ARHGEF18: variants seen among roughly 807,000 people sequenced by gnomAD.
ARHGEF18 encodes rho guanine nucleotide exchange factor 18.
In ARHGEF18, 93 loss-of-function variants were observed where a neutral mutation model predicts 155.7. The observed-to-expected ratio is 0.60, with a 90% CI of 0.50 to 0.71. The LOEUF (loss-of-function observed/expected upper bound fraction) is 0.71. ARHGEF18 is among the 30% of genes least tolerant of loss of function. The probability of loss-of-function intolerance (pLI) is 0.00; values close to 1 mark genes in which losing one functional copy is unlikely to be tolerated. For missense variants in ARHGEF18, 1,593 were observed against 1,816.1 expected (o/e 0.88, Z 2.23); for synonymous variants, 742 against 753.1 (o/e 0.99, Z 0.24).
chr19:7,466,244 G>T (rs552207653), intron 23 of ARHGEF18, among the ~76,000 whole-genome samples: 2 of 151,970 alleles, frequency 1.3e-5, no homozygotes, highest in Non-Finnish European at 2.9e-5. Flanking sequence ...TTAGCCAGGC[G>T]TGGTGGCACA....
At chr19:7,373,111 C>G in intron 3 of ARHGEF18, 40 bp downstream of exon 3, 4 of 1,234,214 alleles carry the variant, frequency 3.2e-6, no homozygotes, top group Middle Eastern at 2.1e-4. Context: ...CAATGCACCC[C>G]TGGGACAGGG....
chr19:7,463,976 C>A lies in ARHGEF18; in HGVS notation c.2773+21C>A. On this transcript the variant is annotated intron_variant, in intron 22 of 28. Transcript: ENST00000668164. This position sits in a 1 kb window ranked among gnomAD's most constrained non-coding sequence, Gnocchi z 5.2. ...CAAGAGTAAGAGCGGGGCCGTCTCC[C>A]CTCCTGCCTCCAGGGCCGCCCCTCA... 6.4e-7 allele frequency: 1 copy of A among 1,557,786 alleles called. No homozygotes were observed. The highest frequency in any genetic ancestry group is 2.3e-5 in the East Asian group (1 of 42,856).
At chr19:7,385,857 CTCTCTCTCTCT>C (rs1970998026) in intron 10 of ARHGEF18, among the ~76,000 whole-genome samples, 1 of 109,350 alleles carries the variant, frequency 9.1e-6, no homozygotes, top group Non-Finnish European at 1.8e-5. Flanking sequence ...CTCTCTCTCT[CTCTCTCTCTCT>C]CTCCCCCCTC....
Position 7,468,220 on chromosome 19 carries a change from C to G in ARHGEF18, c.3480+536C>G, listed in dbSNP as rs575950443. Among the ~76,000 whole-genome samples, 17 of 144,944 alleles carry G rather than the reference C, an allele frequency of 1.2e-4. 1 individual carries two copies. The South Asian group carries it at 3.3e-3, about 28-fold the overall frequency. ...GAGCCGTGATCATGCCACTGCACTC[C>G]AGCCTGGGCAACAGAGTGAGACCCC... On this transcript the variant is annotated intron_variant, in intron 26 of 28. Transcript: ENST00000668164.
intron 10 of ARHGEF18, among the ~76,000 whole-genome samples, chr19:7,417,480 T>C (rs1034382925): frequency 6.6e-6 from 1 of 152,072 alleles, no homozygotes; most frequent in Admixed American, 6.6e-5. Context: ...GGCAGATCAC[T>C]TGAAGTGAGG....
chr19:7,439,717 TAG>T, intron 10 of ARHGEF18: 1 of 1,302,746 alleles, frequency 7.7e-7, no homozygotes, highest in Non-Finnish European at 9.7e-7. Flanking sequence ...CTCTGGGTCT[TAG>T]AGTCACCCTA....
In ARHGEF18 at chr19:7,458,629, T is replaced by G; in HGVS notation, c.2299T>G (p.Tyr767Asp). 6.2e-7 allele frequency: 1 copy of G among 1,614,214 alleles called. No individual in the cohort carries two copies. Among genetic ancestry groups the G allele is most frequent in the Non-Finnish European group, 8.5e-7 (1 of 1,180,036 alleles). ...SLQGPEMYEI[Y>D]TSSKEDRNAW... The stretch of plus-strand genomic sequence containing the variant: ...GCAAGGGCCGGAGATGTATGAAATC[T>G]ACACGAGCTCCAAAGAGGACAGGAA... The change falls in exon 19 of 29, where the codon TAC becomes GAC. Residue 767 changes from tyrosine (Y) to aspartate (D), a missense_variant. Coordinates refer to ENST00000668164, the MANE Select transcript of ARHGEF18 (RefSeq NM_001367823.1).
intron 10 of ARHGEF18, among the ~76,000 whole-genome samples, chr19:7,423,861 C>T (rs984907363): frequency 1.4e-4 from 22 of 151,838 alleles, no homozygotes; most frequent in African/African-American, 5.3e-4. Context: ...CAGAGGAAGT[C>T]GATCTAGTAT....
Position 7,459,906 on chromosome 19 carries a change from C to T in ARHGEF18, c.2364C>T (p.Cys788=). ...MAHIQRAVES[C]PDEEEGPFSL... The stretch of plus-strand genomic sequence containing the variant: ...CACCCGACTCCTCTCCCTGCAGCTG[C>T]CCTGACGAGGAGGAGGGGCCCTTCA... Residue 788 remains cysteine, a synonymous_variant, in exon 20 of 29, where the codon TGC becomes TGT. Coordinates refer to ENST00000668164, the MANE Select transcript of ARHGEF18 (RefSeq NM_001367823.1). 6.4e-7 allele frequency: 1 copy of T among 1,574,004 alleles called. No individual in the cohort carries two copies. The highest frequency in any genetic ancestry group is 8.6e-7 in the Non-Finnish European group (1 of 1,159,552).
chr19:7,390,073 A>G lies in ARHGEF18; in HGVS notation c.967+6870A>G, dbSNP rs144873308. Among the ~76,000 whole-genome samples, 51 of 152,104 alleles carry G rather than the reference A, an allele frequency of 3.4e-4. No individual in the cohort carries two copies. In the East Asian group the frequency reaches 9.9e-3, roughly 29 times the overall value. ...TAGCCAGGTGTGGTGGCACTCGCCT[A>G]TAATCCTAGCTACTCGGGAGGCTGA... On this transcript the variant is annotated intron_variant, in intron 10 of 28. Coordinates refer to ENST00000668164, the MANE Select transcript of ARHGEF18 (RefSeq NM_001367823.1).
At chr19:7,361,523 C>A (rs1568263721) in intron 1 of ARHGEF18, among the ~76,000 whole-genome samples, 1 of 152,146 alleles carries the variant, frequency 6.6e-6, no homozygotes, top group Non-Finnish European at 1.5e-5. Flanking sequence ...TAGGTAACGA[C>A]CCAAGACAAT....
chr19:7,452,357 G>A (rs1189441222), intron 16 of ARHGEF18, among the ~76,000 whole-genome samples: 1 of 152,224 alleles, frequency 6.6e-6, no homozygotes, highest in African/African-American at 2.4e-5. Context: ...CTGAATTCAG[G>A]CCGTGAGAGG....
At position 7,444,354 on chromosome 19, in the gene ARHGEF18, A is replaced by T. The variant is rs1974861184; in HGVS notation, c.1511A>T (p.His504Leu). 3.1e-6 allele frequency: 5 copies of T among 1,613,542 alleles called. No homozygotes were observed. Among genetic ancestry groups the T allele is most frequent in the Non-Finnish European group, 4.2e-6 (5 of 1,180,032 alleles). The change falls in exon 14 of 29, where the codon CAC (histidine) becomes CTC (leucine). Residue 504 changes from histidine to leucine, a missense_variant. By Grantham distance (99) the His-to-Leu change is moderately conservative. Transcript: ENST00000668164. This position sits in a 1 kb window ranked among gnomAD's most constrained non-coding sequence, Gnocchi z 4.7. ...CADDLLETHS[H>L]FLARLKERRQ... ...GACGACCTGCTGGAGACGCACAGCC[A>T]CTTCCTCGCTCGGCTCAAGGAGCGC...
Position 7,349,018 on chromosome 19 carries a change from GC to G in ARHGEF18, c.-330del, listed in dbSNP as rs1568255477. ...CCCCCATCCTCTGGGCTCTTTTTAG[GC>G]CCCTAGATTGGCCTGCAGCTGGGAG... On this transcript the variant is annotated 5_prime_UTR_variant, in exon 1 of 29. It removes the in-frame stop codon of an upstream open reading frame in the 5' UTR. Transcript: ENST00000668164. 6.6e-6 allele frequency: 1 copy of G among 152,324 alleles called. No individual in the cohort carries two copies. The highest frequency in any genetic ancestry group is 2.4e-5 in the African/African-American group (1 of 41,448). The allele number at this position is 152,324 out of a possible 1,614,324, so 9.4% of individuals were successfully genotyped here.
At chr19:7,406,496 C>T (rs1267464073) in intron 10 of ARHGEF18, among the ~76,000 whole-genome samples, 3 of 152,162 alleles carry the variant, frequency 2.0e-5, no homozygotes, top group African/African-American at 7.2e-5. Context: ...GGCCGTGTGC[C>T]TATACTCCAT....
At chr19:7,474,786 TCC>T (rs899726089), downstream of ARHGEF18, among the ~76,000 whole-genome samples, 9 of 151,746 alleles carry the variant, frequency 5.9e-5, no homozygotes, top group East Asian at 7.8e-4. Flanking sequence ...TGTGTGTGTC[TCC>T]CCCCACCCTC....
rs1469201660 is a variant in ARHGEF18 at position 7,468,899 on chromosome 19, C to T, written c.3555C>T (p.Ser1185=). 14 of 1,574,070 alleles carry T rather than the reference C, an allele frequency of 8.9e-6. No homozygotes were observed. The highest frequency in any genetic ancestry group is 1.8e-5 in the Admixed American group (1 of 54,756). The part of the protein sequence containing the change: ...LEGPRVSMLP[S]GVGPEYAERP... ...GCCCTCGTGTGAGCATGCTGCCATCCGGCGTGGGGCCAGAGTACGCAGAGC... is the reference window on the plus strand; with the variant it reads ...GCCCTCGTGTGAGCATGCTGCCATCTGGCGTGGGGCCAGAGTACGCAGAGC... The change falls in exon 27 of 29, where the codon TCC becomes TCT. Residue 1185 remains serine, a synonymous_variant. Transcript: ENST00000668164.
At chr19:7,385,819 A>ATCTCTCTCTCTC (rs1252967510) in intron 10 of ARHGEF18, among the ~76,000 whole-genome samples, 4 of 89,326 alleles carry the variant, frequency 4.5e-5, no homozygotes, top group African/African-American at 1.9e-4. Context: ...TAGAGATAGG[A>ATCTCTCTCTCTC]TCTATCTCTC....
chr19:7,479,560 C>A, the ARHGEF18 span, among the ~76,000 whole-genome samples: 69 of 152,346 alleles, frequency 4.5e-4, no homozygotes, highest in East Asian at 0.012. Context: ...GCTCCGGCAG[C>A]CCTGGGCCTT....
Sources: allele counts gnomAD v4.1 joint callset (sites outside exome capture counted in the v4.1 genomes callset), GRCh38; gene constraint gnomAD v4.1.1; non-coding constraint Gnocchi (gnomAD v3.1); transcripts MANE v1.5; gene names NCBI Gene and HGNC (gene_info 2026-07-23, HGNC 2026-07-21).